The following IQSEC1 variants were observed in gnomAD, a reference collection of about 807,000 sequenced individuals.
The protein encoded by IQSEC1 is IQ motif and SEC7 domain-containing protein 1.
In IQSEC1, 31 loss-of-function variants were observed where a neutral mutation model predicts 91.0. That is an observed-to-expected ratio of 0.34 (90% confidence interval 0.26 to 0.46). The LOEUF (loss-of-function observed/expected upper bound fraction) is 0.46. IQSEC1 is among the 20% of genes least tolerant of loss of function. IQSEC1 has a pLI of 1.00. For missense variants in IQSEC1, 1,388 were observed against 1,575.6 expected, an observed-to-expected ratio of 0.88 and a Z score of 2.02; for synonymous variants, 699 against 662.6, an observed-to-expected ratio of 1.05 and a Z score of -0.84.
chr3:13,208,789 C>T (rs1317951864), intron 1 of IQSEC1, among the ~76,000 whole-genome samples: 1 of 152,228 alleles, frequency 6.6e-6, no homozygotes, highest in Admixed American at 6.5e-5. Context: ...CCTCCCCAGG[C>T]TGCCCGCACT....
rs1313942433 is a variant in IQSEC1 at position 13,259,141 on chromosome 3, C to T, written c.272+23570G>A. ...TTCCCCACAGCAGCCAGAAAAAAAT[C>T]CCAACTGCCCCCACTGGGCCACACC... On this transcript the variant is annotated intron_variant, in intron 1 of 15. Transcript: ENST00000648114. The surrounding 1 kb of genome is among the most constrained non-coding windows in gnomAD (Gnocchi z 4.6). Among the ~76,000 whole-genome samples the T allele has an allele frequency of 1.3e-5, 2 of 152,232 alleles. No homozygotes were observed. The highest frequency in any genetic ancestry group is 4.8e-5 in the African/African-American group (2 of 41,450).
At chr3:13,132,119 C>T (rs148161565) in intron 2 of IQSEC1, among the ~76,000 whole-genome samples, 2 of 152,254 alleles carry the variant, frequency 1.3e-5, no homozygotes, top group Admixed American at 6.5e-5. Context: ...TTTTGTATTC[C>T]TCTAAATCTT....
chr3:12,900,083 G>T lies in IQSEC1; in HGVS notation c.*900C>A. On this transcript the variant is annotated 3_prime_UTR_variant, in exon 14 of 14. Transcript: ENST00000613206. The stretch of plus-strand genomic sequence containing the variant: ...CCAGCTGTCCTGAGTTGCTACTGTA[G>T]AGTGTACTGCAGTTTAGCTATTTGC... 1.0e-6 allele frequency: 1 copy of T among 984,402 alleles called. No homozygotes were observed. The highest frequency in any genetic ancestry group is 1.2e-6 in the Non-Finnish European group (1 of 828,998). 61.0% of individuals were successfully genotyped at this position (984,402 alleles called of 1,614,324 possible). A position where few individuals can be genotyped will look rare whatever the true frequency, so the allele number is the denominator to read the frequency against.
At chr3:13,042,948 C>T (rs575362918) in intron 1 of IQSEC1, among the ~76,000 whole-genome samples, 37 of 152,268 alleles carry the variant, frequency 2.4e-4, no homozygotes, top group East Asian at 5.8e-4. Flanking sequence ...AATCCCTGTT[C>T]GGCCTGTGCG....
intron 2 of IQSEC1, among the ~76,000 whole-genome samples, chr3:13,130,753 A>G (rs930388413): frequency 2.6e-5 from 4 of 152,124 alleles, no homozygotes; most frequent in African/African-American, 9.7e-5. Context: ...CCTGGGGAAC[A>G]TGGCGAAACC....
At position 12,940,158 on chromosome 3, in the gene IQSEC1, C is replaced by T. The variant is rs948524586; in HGVS notation, c.318+1413G>A. On this transcript the variant is annotated intron_variant, in intron 2 of 13. Transcript: ENST00000613206. This position sits in a 1 kb window ranked among gnomAD's most constrained non-coding sequence, Gnocchi z 4.4. ...TGGTCCACTTTGGATCTGGGCATCA[C>T]GGATAAAGGAACAGAGGTTGCTCTG... Among the ~76,000 whole-genome samples, 2 of 152,092 alleles carry T rather than the reference C, an allele frequency of 1.3e-5. No homozygotes were observed. Among genetic ancestry groups the T allele is most frequent in the Non-Finnish European group, 2.9e-5 (2 of 68,032 alleles).
At chr3:13,002,710 A>C (rs1702472419) in intron 1 of IQSEC1, among the ~76,000 whole-genome samples, 3 of 152,248 alleles carry the variant, frequency 2.0e-5, no homozygotes, top group Admixed American at 1.3e-4. Flanking sequence ...AAGGAGACAT[A>C]TGAATGGCCA....
At chr3:13,243,137 G>C (rs73813521) in intron 1 of IQSEC1, among the ~76,000 whole-genome samples, 4,774 of 152,268 alleles carry the variant, frequency 0.031, 217 homozygotes, top group African/African-American at 0.098. Flanking sequence ...CGCACACAGA[G>C]ATGCTCACAA....
intron 1 of IQSEC1, among the ~76,000 whole-genome samples, chr3:13,247,102 T>C (rs530937965): frequency 6.6e-6 from 1 of 152,270 alleles, no homozygotes; most frequent in African/African-American, 2.4e-5. Context: ...CTACATGAGA[T>C]GGAAGCTGGT....
At chr3:13,178,943 A>G (rs1693786146) in intron 1 of IQSEC1, among the ~76,000 whole-genome samples, 2 of 152,252 alleles carry the variant, frequency 1.3e-5, no homozygotes, top group Admixed American at 1.3e-4. Flanking sequence ...CCAAAAAAGT[A>G]TCAAAGAACT....
Position 12,900,176 on chromosome 3 carries a change from C to T in IQSEC1, c.*807G>A, listed in dbSNP as rs1347547188. Reference sequence around the variant, plus strand: ...TCTGTTAATAAAATAAGGATTTATACAAAGCAATACTGGACTTTTTAAACA... The same window carrying T: ...TCTGTTAATAAAATAAGGATTTATATAAAGCAATACTGGACTTTTTAAACA... On this transcript the variant is annotated 3_prime_UTR_variant, in exon 14 of 14. Transcript: ENST00000613206. 1 of 972,214 alleles carries T rather than the reference C, an allele frequency of 1.0e-6. No homozygotes were observed. The highest frequency in any genetic ancestry group is 1.1e-4 in the East Asian group (1 of 8,756). The allele number at this position is 972,214 out of a possible 1,614,324, so 60.2% of individuals were successfully genotyped here.
chr3:13,083,770 A>G (rs1050996741), intron 2 of IQSEC1, among the ~76,000 whole-genome samples: 1 of 152,264 alleles, frequency 6.6e-6, no homozygotes, highest in Non-Finnish European at 1.5e-5. Flanking sequence ...CACCTGGCAT[A>G]CAGAGTGTCA....
chr3:13,250,230 C>T (rs1695170332), intron 1 of IQSEC1, among the ~76,000 whole-genome samples: 1 of 152,154 alleles, frequency 6.6e-6, no homozygotes, highest in South Asian at 2.1e-4. Context: ...GCAGGGGAAC[C>T]TCCAGGTGCG....
Position 12,983,634 on chromosome 3 carries a change from G to C in IQSEC1, c.24-41769C>G, listed in dbSNP as rs148704026. The stretch of plus-strand genomic sequence containing the variant: ...CACTCAGCCCCGATTCCACCTTCTT[G>C]GCTCAGCTCCTTCAGGGACGCCTGG... On this transcript the variant is annotated intron_variant, in intron 1 of 13. Coordinates refer to ENST00000613206, the MANE Select transcript of IQSEC1 (RefSeq NM_001134382.3). This position sits in a 1 kb window ranked among gnomAD's most constrained non-coding sequence, Gnocchi z 4.3. Among the ~76,000 whole-genome samples, 80 of 152,278 alleles carry C rather than the reference G, an allele frequency of 5.3e-4. No individual in the cohort carries two copies. The highest frequency in any genetic ancestry group is 1.8e-3 in the African/African-American group (74 of 41,562).
At chr3:13,130,436 C>T (rs1706593063) in intron 2 of IQSEC1, among the ~76,000 whole-genome samples, 1 of 151,364 alleles carries the variant, frequency 6.6e-6, no homozygotes. Context: ...AGTGCACATA[C>T]TTTGTGTGAC....
chr3:13,034,310 GCAAA>G (rs1162490406), intron 1 of IQSEC1, among the ~76,000 whole-genome samples: 1 of 152,232 alleles, frequency 6.6e-6, no homozygotes, highest in Non-Finnish European at 1.5e-5. Flanking sequence ...CCGCTGAGGT[GCAAA>G]CAGTCACTTG....
intron 2 of IQSEC1, among the ~76,000 whole-genome samples, chr3:13,138,748 G>A (rs1038201741): frequency 3.9e-5 from 6 of 152,162 alleles, no homozygotes; most frequent in Non-Finnish European, 5.9e-5. Context: ...AGAACTGACT[G>A]TATTCCTTCC....
intron 1 of IQSEC1, among the ~76,000 whole-genome samples, chr3:13,021,268 C>A (rs961284541): frequency 3.9e-5 from 6 of 152,146 alleles, no homozygotes; most frequent in Non-Finnish European, 5.9e-5. Context: ...GAGGCCGCAG[C>A]GATCACAGAT....
In IQSEC1 at chr3:12,899,912, G is replaced by C; in HGVS notation, c.*1071C>G. On this transcript the variant is annotated 3_prime_UTR_variant, in exon 14 of 14. Transcript: ENST00000613206. ...AGATGAACACTTCTGCCGTGTATGGGTGCCCCTCTCGGAGGACTCTGAATG... is the reference window on the plus strand; with the variant it reads ...AGATGAACACTTCTGCCGTGTATGGCTGCCCCTCTCGGAGGACTCTGAATG... 1 of 985,268 alleles carries C rather than the reference G, an allele frequency of 1.0e-6. No homozygotes were observed. Among genetic ancestry groups the C allele is most frequent in the Non-Finnish European group, 1.2e-6 (1 of 829,896 alleles). 61.0% of individuals were successfully genotyped at this position (985,268 alleles called of 1,614,324 possible).
Sources: gnomAD v4.1 joint callset for allele counts (sites outside exome capture counted in the v4.1 genomes callset) on GRCh38, gnomAD v4.1.1 for gene constraint, Gnocchi (gnomAD v3.1) non-coding constraint, MANE v1.5 for transcripts, NCBI Gene and HGNC (gene_info 2026-07-23, HGNC 2026-07-21) for gene names.